IQSEC3: variants seen among roughly 807,000 people sequenced by gnomAD.
The protein encoded by IQSEC3 is IQ motif and SEC7 domain-containing protein 3.
IQSEC3 carries 50 observed loss-of-function variants against 105.4 expected under a neutral mutation model. The observed-to-expected ratio is 0.47, with a 90% CI of 0.38 to 0.60. The LOEUF (loss-of-function observed/expected upper bound fraction) is 0.60, where lower values mean the gene tolerates loss of function less well. Among genes scored for constraint, IQSEC3 ranks in the 20% least tolerant of loss-of-function variants. The pLI is 0.00. For synonymous variants in IQSEC3, 708 were observed against 746.0 expected (o/e 0.95, Z 0.83); for missense variants, 1,415 against 1,630.0 (o/e 0.87, Z 2.27).
chr12:124,140 G>A (rs535841238), intron 2 of IQSEC3, among the ~76,000 whole-genome samples: 15 of 152,060 alleles, frequency 9.9e-5, no homozygotes, highest in African/African-American at 2.9e-4. Context: ...TAATCCTAGC[G>A]CTTTGGGAGG....
chr12:129,460 C>T (rs1865519775), intron 3 of IQSEC3, among the ~76,000 whole-genome samples: 1 of 151,944 alleles, frequency 6.6e-6, no homozygotes, highest in East Asian at 1.9e-4. Flanking sequence ...TGTCACAAGT[C>T]GCACAGCAAG....
intron 5 of IQSEC3, chr12:143,303 T>C (rs1591715454): frequency 6.6e-6 from 1 of 152,548 alleles, no homozygotes; most frequent in South Asian, 2.1e-4. Context: ...ACTCTTCCAG[T>C]GAGAAGAGGC....
intron 2 of IQSEC3, among the ~76,000 whole-genome samples, chr12:107,039 C>CT (rs1180016111): frequency 6.6e-6 from 1 of 152,136 alleles, no homozygotes; most frequent in Admixed American, 6.5e-5. Flanking sequence ...TTAGAGATTT[C>CT]TTTTATTATG....
At chr12:105,283 CCCA>C (rs1864608525) in intron 2 of IQSEC3, among the ~76,000 whole-genome samples, 1 of 152,334 alleles carries the variant, frequency 6.6e-6, no homozygotes, top group East Asian at 1.9e-4. Flanking sequence ...GGTGAAAATC[CCCA>C]CAAGCCCCCT....
At chr12:146,579 G>A (rs1488047624) in intron 5 of IQSEC3, among the ~76,000 whole-genome samples, 2 of 152,154 alleles carry the variant, frequency 1.3e-5, no homozygotes, top group African/African-American at 4.8e-5. Flanking sequence ...CCAGGAGATG[G>A]AAACTGCAGT....
At chr12:141,338 C>G in intron 5 of IQSEC3, 53 bp downstream of exon 5, 1 of 1,570,920 alleles carries the variant, frequency 6.4e-7, no homozygotes, top group Non-Finnish European at 8.7e-7. Flanking sequence ...CCCCACCTGC[C>G]CGGGCTCTCT....
At chr12:170,861 A>G (rs1938949786) in intron 12 of IQSEC3, among the ~76,000 whole-genome samples, 1 of 152,212 alleles carries the variant, frequency 6.6e-6, no homozygotes, top group Non-Finnish European at 1.5e-5. Context: ...ACTGTGGGTA[A>G]ATCAGATTCC....
chr12:114,602 G>A (rs1266326070), intron 2 of IQSEC3, among the ~76,000 whole-genome samples: 1 of 152,252 alleles, frequency 6.6e-6, no homozygotes, highest in Non-Finnish European at 1.5e-5. Flanking sequence ...GGGCCAACAG[G>A]CTCAGAGAGG....
chr12:112,173 A>G (rs76444570), intron 2 of IQSEC3, among the ~76,000 whole-genome samples: 5,503 of 152,224 alleles, frequency 0.036, 129 homozygotes, highest in South Asian at 0.084. Context: ...TATTTGATTT[A>G]TGACCGAAGT....
intron 5 of IQSEC3, among the ~76,000 whole-genome samples, chr12:145,536 C>T (rs1200647469): frequency 1.3e-5 from 2 of 152,272 alleles, no homozygotes; most frequent in African/African-American, 4.8e-5. Flanking sequence ...ATGACTCAAA[C>T]TCAGGTCTAC....
intron 1 of IQSEC3, among the ~76,000 whole-genome samples, chr12:97,738 C>T (rs1290645108): frequency 6.6e-6 from 1 of 152,208 alleles, no homozygotes; most frequent in African/African-American, 2.4e-5. Context: ...GCCAAGGTTA[C>T]AGTGAGCTAT....
At position 79,805 on chromosome 12, in the gene IQSEC3, G is replaced by A. The variant is rs546336970; in HGVS notation, c.554+12369G>A. ...CCCCATCCTTGTTTCCTAACCACTC[G>A]AATTCCTGCCCGCCCCCACACCTTC... On this transcript the variant is annotated intron_variant, in intron 1 of 13. Transcript: ENST00000538872. 7.2e-5 allele frequency among the ~76,000 whole-genome samples: 11 copies of A among 152,152 alleles called. No individual in the cohort carries two copies. In the South Asian group the frequency reaches 8.3e-4, roughly 11 times the overall value.
At chr12:108,898 T>G (rs1864775020) in intron 2 of IQSEC3, among the ~76,000 whole-genome samples, 1 of 152,262 alleles carries the variant, frequency 6.6e-6, no homozygotes, top group African/African-American at 2.4e-5. Flanking sequence ...CTGCACTGTT[T>G]GTATTCCACG....
chr12:138,864 T>C lies in IQSEC3; in HGVS notation c.1501T>C (p.Ser501Pro). 2.5e-6 allele frequency: 4 copies of C among 1,611,924 alleles called. No individual in the cohort carries two copies. In the South Asian group the frequency reaches 4.4e-5, roughly 18 times the overall value. ...QIANQNISVS[S>P]STALSVANCL... Reference sequence around the variant, plus strand: ...CGCCAACCAGAACATATCCGTCTCCTCCTCCACGGCTCTGTCGGTGGCCAA... The same window carrying C: ...CGCCAACCAGAACATATCCGTCTCCCCCTCCACGGCTCTGTCGGTGGCCAA... The change falls in exon 4 of 14, where the codon TCC becomes CCC. Residue 501 changes from serine to proline, a missense_variant. By Grantham distance (74) the Ser-to-Pro change is moderately conservative. This residue lies in a region of IQSEC3 where 720 missense variants were observed against 633.0 expected (regional missense o/e 1.14). Coordinates refer to ENST00000538872, the MANE Select transcript of IQSEC3 (RefSeq NM_001170738.2). The surrounding 1 kb of genome is among the most constrained non-coding windows in gnomAD (Gnocchi z 7.1).
rs73601004 is a variant in IQSEC3, at chr12:84,857, A to G, written c.555-14289A>G. Among the ~76,000 whole-genome samples the G allele has an allele frequency of 7.4e-3, 1,131 of 152,240 alleles. 19 individuals are homozygous for G. Among genetic ancestry groups the G allele is most frequent in the African/African-American group, 0.026 (1,093 of 41,514 alleles). The stretch of plus-strand genomic sequence containing the variant: ...CAAACTTCAAGAGTCTGACTGTGCT[A>G]TGAAGGGCAAGATCAAGGCTCTTCC... On this transcript the variant is annotated intron_variant, in intron 1 of 13. Transcript: ENST00000538872.
chr12:100,973 C>T (rs1291144137), intron 2 of IQSEC3, among the ~76,000 whole-genome samples: 3 of 152,156 alleles, frequency 2.0e-5, no homozygotes, highest in African/African-American at 7.2e-5. Flanking sequence ...AACTGCCTTC[C>T]TTGGTAGAAG....
intron 2 of IQSEC3, among the ~76,000 whole-genome samples, chr12:122,528 A>G (rs946637464): frequency 6.6e-6 from 1 of 152,244 alleles, no homozygotes; most frequent in Non-Finnish European, 1.5e-5. Context: ...TTTATTTGGG[A>G]CAAGGTGACC....
rs547194479 is a variant in IQSEC3 at position 165,530 on chromosome 12, G to GAGTGTAAGTCTTTGACAGCC, written c.2809+13_2809+32dup. On this transcript the variant is annotated frameshift_variant, in exon 10 of 14. Coordinates refer to ENST00000538872, the MANE Select transcript of IQSEC3 (RefSeq NM_001170738.2). LOFTEE classifies it high-confidence loss of function. Reference sequence around the variant, plus strand: ...CATGCAGTTCCAGCTCTTTGAGAACGAGTGTAAGTCTTTGACAGCCAGTGT... The same window carrying GAGTGTAAGTCTTTGACAGCC: ...CATGCAGTTCCAGCTCTTTGAGAACGAGTGTAAGTCTTTGACAGCCAGTGTAAGTCTTTGACAGCCAGTGT... The GAGTGTAAGTCTTTGACAGCC allele has an allele frequency of 0.015, 23,574 of 1,608,402 alleles. 285 individuals are homozygous for GAGTGTAAGTCTTTGACAGCC. Among genetic ancestry groups the GAGTGTAAGTCTTTGACAGCC allele is most frequent in the Middle Eastern group, 0.026 (155 of 6,050 alleles).
intron 5 of IQSEC3, among the ~76,000 whole-genome samples, chr12:150,855 A>G (rs1278188957): frequency 6.6e-6 from 1 of 151,966 alleles, no homozygotes; most frequent in Non-Finnish European, 1.5e-5. Flanking sequence ...AAAGACAAGC[A>G]CTTGGGTGCT....
Sources: allele counts gnomAD v4.1 joint callset (sites outside exome capture counted in the v4.1 genomes callset), GRCh38; gene constraint gnomAD v4.1.1; regional missense constraint gnomAD v4.1.1; non-coding constraint Gnocchi (gnomAD v3.1); transcripts MANE v1.5; gene names NCBI Gene and HGNC (gene_info 2026-07-23, HGNC 2026-07-21).